SUCO: variants seen among roughly 807,000 people sequenced by gnomAD.
The protein encoded by SUCO is SUN domain-containing ossification factor.
SUCO carries 57 observed loss-of-function variants against 148.1 expected under a neutral mutation model. That is an observed-to-expected ratio of 0.38 (90% confidence interval 0.31 to 0.48). The LOEUF is 0.48. Among genes scored for constraint, SUCO ranks in the 20% least tolerant of loss-of-function variants. SUCO has a pLI of 0.96. For missense variants in SUCO, 1,331 were observed against 1,468.2 expected (o/e 0.91, Z 1.53); for synonymous variants, 470 against 502.7 (o/e 0.93, Z 0.87).
At chr1:172,605,544 A>C (rs868532334) in intron 22 of SUCO, among the ~76,000 whole-genome samples, 11 of 151,900 alleles carry the variant, frequency 7.2e-5, no homozygotes, top group African/African-American at 2.2e-4. Context: ...CCAGTACTCT[A>C]CCACTTTGAT....
chr1:172,543,068 G>C, intron 1 of SUCO: 1 of 953,596 alleles, frequency 1.0e-6, no homozygotes. Flanking sequence ...ATGTAGAGTA[G>C]CTTCATACTT....
chr1:172,559,561 A>C (rs115625786), intron 6 of SUCO, among the ~76,000 whole-genome samples: 10,665 of 152,234 alleles, frequency 0.07, 423 homozygotes, highest in Middle Eastern at 0.19. Flanking sequence ...GCAGCAGCAG[A>C]GGTAATGCTC....
intron 3 of SUCO, among the ~76,000 whole-genome samples, chr1:172,553,628 T>G (rs896633843): frequency 1.3e-5 from 2 of 152,138 alleles, no homozygotes; most frequent in Non-Finnish European, 1.5e-5. Context: ...GGTTCTATTT[T>G]GGTTCATTAT....
At chr1:172,539,635 T>G (rs184014283) in intron 1 of SUCO, among the ~76,000 whole-genome samples, 21 of 152,264 alleles carry the variant, frequency 1.4e-4, no homozygotes, top group African/African-American at 4.3e-4. Flanking sequence ...CTAAGCTAAT[T>G]TTGTATTATT....
intron 19 of SUCO, among the ~76,000 whole-genome samples, chr1:172,596,887 C>T (rs2157420): frequency 0.6 from 90,968 of 152,130 alleles, 27,723 homozygotes; most frequent in African/African-American, 0.71. Flanking sequence ...CCCCCAGAGA[C>T]GGAGTCTACA....
chr1:172,557,876 C>T lies in SUCO; in HGVS notation c.732+82C>T, dbSNP rs1186649673. On this transcript the variant is annotated intron_variant, in intron 6 of 23. Coordinates refer to ENST00000263688, the MANE Select transcript of SUCO (RefSeq NM_014283.5). ...AGCTAAGCTTATAATAATTTGCTAA[C>T]TATATTTGTCATAAAATCAGGGAGA... The T allele has an allele frequency of 4.5e-6, 5 of 1,113,518 alleles. No individual in the cohort carries two copies. In the East Asian group the frequency reaches 7.6e-5, roughly 17 times the overall value. The allele number at this position is 1,113,518 out of a possible 1,614,324, so 69.0% of individuals were successfully genotyped here. A position where few individuals can be genotyped will look rare whatever the true frequency, so the allele number is the denominator to read the frequency against.
chr1:172,569,615 T>A (rs1654795564), intron 7 of SUCO: 1 of 586,804 alleles, frequency 1.7e-6, no homozygotes, highest in Admixed American at 6.3e-5. Context: ...GTGTGATGGG[T>A]TATTAGGTGC....
At chr1:172,597,042 G>C (rs1261706902) in intron 19 of SUCO, among the ~76,000 whole-genome samples, 7 of 152,214 alleles carry the variant, frequency 4.6e-5, no homozygotes, top group Non-Finnish European at 1.0e-4. Flanking sequence ...TCAGACTGCT[G>C]TGATAGCAGT....
chr1:172,533,221 A>C lies in SUCO; in HGVS notation c.-215A>C. The C allele has an allele frequency of 2.0e-6, 3 of 1,535,036 alleles. No individual in the cohort carries two copies. Among genetic ancestry groups the C allele is most frequent in the South Asian group, 1.2e-5 (1 of 83,258 alleles). On this transcript the variant is annotated 5_prime_UTR_variant, in exon 1 of 24. Coordinates refer to ENST00000263688, the MANE Select transcript of SUCO (RefSeq NM_014283.5). ...TGGCTGCAGCGGCGGCGGTCCCCGG[A>C]GTCCTGTGAAGCGCCCCTGTCCGCG...
At chr1:172,587,248 T>C (rs933498860) in intron 17 of SUCO, among the ~76,000 whole-genome samples, 19 of 152,090 alleles carry the variant, frequency 1.2e-4, no homozygotes, top group African/African-American at 4.3e-4. Context: ...TTCTTTTTAA[T>C]GCTTTTGAAG....
chr1:172,556,012 C>T lies in SUCO; in HGVS notation c.432C>T (p.Ile144=). ...CATCTACCTCAGAAATCACTCCAAT[C>T]TCAAAGCTTGAGTAAGTTGTTACAA... is the stretch of plus-strand genomic sequence containing the variant. ...SSSSTSEITP[I]SKLDEIEKSG... is the part of the protein sequence containing the mutation. Residue 144 remains isoleucine (I), a synonymous_variant, in exon 4 of 24, where the codon ATC becomes ATT. Transcript: ENST00000263688. 6.2e-7 allele frequency: 1 copy of T among 1,610,652 alleles called. No individual in the cohort carries two copies. The highest frequency in any genetic ancestry group is 8.5e-7 in the Non-Finnish European group (1 of 1,178,158).
chr1:172,551,808 T>A, intron 2 of SUCO, 182 bp downstream of exon 2: 1 of 523,470 alleles, frequency 1.9e-6, no homozygotes, highest in Non-Finnish European at 3.4e-6. Context: ...TTTATATGTT[T>A]ATTCTTGTTG....
At chr1:172,607,820 T>C (rs1362141098) in intron 22 of SUCO, among the ~76,000 whole-genome samples, 2 of 152,042 alleles carry the variant, frequency 1.3e-5, no homozygotes, top group African/African-American at 4.8e-5. Flanking sequence ...GATGTTTTGA[T>C]ATTTTCATAT....
At chr1:172,542,836 AAG>A in intron 1 of SUCO, 1 of 985,408 alleles carries the variant, frequency 1.0e-6, no homozygotes, top group Non-Finnish European at 1.2e-6. Context: ...GATGGATGGA[AAG>A]AGATTTAAGG....
chr1:172,577,499 T>C, intron 11 of SUCO, 40 bp from the exon 12 acceptor site: 1 of 1,596,890 alleles, frequency 6.3e-7, no homozygotes, highest in Non-Finnish European at 8.5e-7. Flanking sequence ...GTCTAGACTT[T>C]GGAACTGATT....
At chr1:172,569,226 CAAAAT>C (rs1654770222) in intron 7 of SUCO, 84 bp downstream of exon 7, 1 of 1,227,836 alleles carries the variant, frequency 8.1e-7, no homozygotes. Context: ...ATTGGTAAAA[CAAAAT>C]AAAATTTACT....
rs923575921 is a variant in SUCO at position 172,533,348 on chromosome 1, C to T, written c.-88C>T. The T allele has an allele frequency of 6.4e-6, 10 of 1,551,590 alleles. No homozygotes were observed. Among genetic ancestry groups the T allele is most frequent in the Non-Finnish European group, 8.7e-6 (10 of 1,146,982 alleles). On this transcript the variant is annotated 5_prime_UTR_variant, in exon 1 of 24. Coordinates refer to ENST00000263688, the MANE Select transcript of SUCO (RefSeq NM_014283.5). ...GGACTATCGGTCACATTCTCGCGCT[C>T]CTGCTCCGGCTCCTCCATCTTGGCC...
rs777988459 is a variant in SUCO, at chr1:172,602,722, A to G, written c.3200A>G (p.Asn1067Ser). 6 of 1,613,090 alleles carry G rather than the reference A, an allele frequency of 3.7e-6. No individual in the cohort carries two copies. Among genetic ancestry groups the G allele is most frequent in the Non-Finnish European group, 4.2e-6 (5 of 1,179,654 alleles). ...TGTTTCTCTTCCTATGATGATATGA[A>G]TTTGAAAAGAAGAACTTCATTCCCA... ...KRCFSSYDDMNLKRRTSFPLM... is the reference protein window; with the variant it reads ...KRCFSSYDDMSLKRRTSFPLM... Residue 1067 changes from asparagine to serine, a missense_variant, in exon 22 of 24, where the codon AAT (asparagine) becomes AGT (serine). Asn to Ser is a conservative substitution (Grantham distance 46). Transcript: ENST00000263688.
At chr1:172,580,659 A>G (rs1164658589) in intron 15 of SUCO, among the ~76,000 whole-genome samples, 1 of 152,206 alleles carries the variant, frequency 6.6e-6, no homozygotes, top group Non-Finnish European at 1.5e-5. Flanking sequence ...CCAGACTAAA[A>G]GATCTCTAGC....
Sources: allele counts gnomAD v4.1 joint callset (sites outside exome capture counted in the v4.1 genomes callset), GRCh38; gene constraint gnomAD v4.1.1; transcripts MANE v1.5; gene names NCBI Gene and HGNC (gene_info 2026-07-23, HGNC 2026-07-21).